The following AGAP9 variants were observed in gnomAD, a reference collection of about 807,000 sequenced individuals.
The protein encoded by AGAP9 is arf-GAP with GTPase, ANK repeat and PH domain-containing protein 9.
AGAP9 carries 23 observed loss-of-function variants against 55.6 expected under a neutral mutation model. The ratio of observed to expected loss-of-function variants is 0.41; its 90% CI spans 0.30 to 0.59. The LOEUF (loss-of-function observed/expected upper bound fraction) is 0.59, where lower values mean the gene tolerates loss of function less well. Ranked by LOEUF, AGAP9 falls within the 20% of genes least tolerant of loss-of-function variation. The pLI is 0.25. For missense variants in AGAP9, 309 were observed against 808.1 expected, an observed-to-expected ratio of 0.38 and a Z score of 7.49; for synonymous variants, 120 against 305.0, an observed-to-expected ratio of 0.39 and a Z score of 6.32.
chr10:47,507,661 G>C lies in AGAP9; in HGVS notation c.498-78C>G. ...GCAGACATTTTTTAAAAGGGGGGCA[G>C]AGGAAACTCTCCTAGCGGCCCTGAA... On this transcript the variant is annotated intron_variant, in intron 5 of 7. Transcript: ENST00000452145. 1.3e-6 allele frequency: 2 copies of C among 1,503,514 alleles called. 1 individual carries two copies. The highest frequency in any genetic ancestry group is 1.8e-6 in the Non-Finnish European group (2 of 1,122,880). The allele number at this position is 1,503,514 out of a possible 1,614,324, so 93.1% of individuals were successfully genotyped here. A position where few individuals can be genotyped will look rare whatever the true frequency, so the allele number is the denominator to read the frequency against.
intron 2 of AGAP9, among the ~76,000 whole-genome samples, chr10:47,522,123 T>C (rs1840859818): frequency 6.8e-6 from 1 of 146,224 alleles, no homozygotes; most frequent in Admixed American, 6.9e-5. Flanking sequence ...CAAGATGCTA[T>C]TGTCAGGAGG....
At chr10:47,513,016 T>G (rs1840657204) in intron 4 of AGAP9, among the ~76,000 whole-genome samples, 1 of 129,204 alleles carries the variant, frequency 7.7e-6, no homozygotes. Context: ...ATGAAACCCA[T>G]TTGATCATGG....
chr10:47,506,770 C>T (rs1220797199), intron 6 of AGAP9, among the ~76,000 whole-genome samples: 4 of 144,728 alleles, frequency 2.8e-5, no homozygotes, highest in East Asian at 2.7e-4. Flanking sequence ...CTCCAGAATA[C>T]GTGGGACTAC....
chr10:47,516,613 A>T (rs1840719549), intron 4 of AGAP9, among the ~76,000 whole-genome samples: 1 of 138,614 alleles, frequency 7.2e-6, no homozygotes, highest in Non-Finnish European at 1.5e-5. Context: ...AAAAGACTTT[A>T]AGGAGTTAGC....
At chr10:47,504,811 A>T (rs1251966157) in intron 6 of AGAP9, among the ~76,000 whole-genome samples, 1 of 127,060 alleles carries the variant, frequency 7.9e-6, no homozygotes, top group African/African-American at 3.0e-5. Context: ...GATCCCGAAG[A>T]CCCCTTCCAG....
At chr10:47,521,841 C>A (rs1284925119) in intron 2 of AGAP9, among the ~76,000 whole-genome samples, 11 of 150,768 alleles carry the variant, frequency 7.3e-5, no homozygotes, top group Non-Finnish European at 1.6e-4. Context: ...AGTGCATTGG[C>A]GTGATCTCTG....
chr10:47,520,859 AAAG>A (rs1462337617), intron 2 of AGAP9, among the ~76,000 whole-genome samples: 23 of 129,374 alleles, frequency 1.8e-4, no homozygotes, highest in African/African-American at 5.4e-4. Flanking sequence ...AAAAAAAAAA[AAAG>A]AAGAAGAGGT....
chr10:47,502,636 A>T lies in AGAP9; in HGVS notation c.1493T>A (p.Met498Lys). The change falls in exon 8 of 8, where the codon ATG becomes AAG. Residue 498 changes from methionine to lysine, a missense_variant. Coordinates refer to ENST00000452145, the MANE Select transcript of AGAP9 (RefSeq NM_001190810.1). ...KWASLNLGVL[M>K]CIECSGIHRS... ...GTGGATACCTGAGCATTCAATACACATGAGGACTCCCAAGTTCAAACTGGC... is the reference window on the plus strand; with the variant it reads ...GTGGATACCTGAGCATTCAATACACTTGAGGACTCCCAAGTTCAAACTGGC... 1 of 1,607,564 alleles carries T rather than the reference A, an allele frequency of 6.2e-7. No individual in the cohort carries two copies. The highest frequency in any genetic ancestry group is 2.3e-5 in the East Asian group (1 of 43,766).
chr10:47,506,918 C>T (rs1487656671), intron 6 of AGAP9, among the ~76,000 whole-genome samples: 16 of 133,834 alleles, frequency 1.2e-4, no homozygotes, highest in Non-Finnish European at 1.6e-4. Context: ...GGATTACAGG[C>T]GTGAGCCACT....
At chr10:47,521,280 G>C (rs1840828141) in intron 2 of AGAP9, among the ~76,000 whole-genome samples, 2 of 136,968 alleles carry the variant, frequency 1.5e-5, no homozygotes, top group South Asian at 4.5e-4. Context: ...ACATCCATCA[G>C]GCTTTCCAAA....
At chr10:47,509,028 G>C (rs1840543068) in intron 5 of AGAP9, among the ~76,000 whole-genome samples, 1 of 134,806 alleles carries the variant, frequency 7.4e-6, no homozygotes, top group Non-Finnish European at 1.5e-5. Flanking sequence ...CACCAATAGT[G>C]AATACACCAA....
Position 47,502,087 on chromosome 10 carries a change from G to C in AGAP9, c.*65C>G, listed in dbSNP as rs2020443. 46 of 1,568,670 alleles carry C rather than the reference G, an allele frequency of 2.9e-5. 2 individuals carry two copies. The highest frequency in any genetic ancestry group is 3.8e-5 in the Non-Finnish European group (44 of 1,152,406). ...AATAAAACAGATACTACACGCACTCGTCGGGGCAGCCGTACTGCAGAAGCA... is the reference window on the plus strand; with the variant it reads ...AATAAAACAGATACTACACGCACTCCTCGGGGCAGCCGTACTGCAGAAGCA... On this transcript the variant is annotated 3_prime_UTR_variant, in exon 8 of 8. Coordinates refer to ENST00000452145, the MANE Select transcript of AGAP9 (RefSeq NM_001190810.1).
intron 4 of AGAP9, among the ~76,000 whole-genome samples, chr10:47,511,078 G>T (rs1183989549): frequency 3.2e-5 from 4 of 124,428 alleles, no homozygotes; most frequent in African/African-American, 1.3e-4. Context: ...TGAGTAGCTG[G>T]GACTACAGGC....
At chr10:47,506,337 TTC>T (rs1840475800) in intron 6 of AGAP9, among the ~76,000 whole-genome samples, 1 of 138,316 alleles carries the variant, frequency 7.2e-6, no homozygotes, top group Admixed American at 7.4e-5. Flanking sequence ...TTGCTTCTTT[TTC>T]TCTTTTTTTG....
intron 6 of AGAP9, among the ~76,000 whole-genome samples, chr10:47,506,557 T>G (rs1424881060): frequency 7.0e-6 from 1 of 142,214 alleles, no homozygotes; most frequent in Non-Finnish European, 1.5e-5. Flanking sequence ...CTCAAACTCC[T>G]GACCTCAAGT....
At chr10:47,511,001 T>A (rs1555225381) in intron 4 of AGAP9, among the ~76,000 whole-genome samples, 10 of 128,734 alleles carry the variant, frequency 7.8e-5, no homozygotes, top group African/African-American at 2.8e-4. Context: ...TGGAGTGCAG[T>A]GGCGCGATCT....
At chr10:47,517,434 G>A (rs1483909608) in intron 4 of AGAP9, among the ~76,000 whole-genome samples, 3,770 of 121,898 alleles carry the variant, frequency 0.031, 2 homozygotes, top group Admixed American at 0.052. Flanking sequence ...CAGCACGCCC[G>A]GCTACTTTTG....
At chr10:47,516,638 A>G (rs1320637540) in intron 4 of AGAP9, among the ~76,000 whole-genome samples, 1 of 138,076 alleles carries the variant, frequency 7.2e-6, no homozygotes, top group Non-Finnish European at 1.5e-5. Flanking sequence ...AAAAGCAGAC[A>G]TTGAGCATAT....
At chr10:47,513,986 T>A (rs1358653063) in intron 4 of AGAP9, among the ~76,000 whole-genome samples, 4 of 138,882 alleles carry the variant, frequency 2.9e-5, no homozygotes, top group Non-Finnish European at 6.2e-5. Context: ...GGCAAAGACT[T>A]CATGACCAAG....
Sources: gnomAD v4.1 joint callset for allele counts (sites outside exome capture counted in the v4.1 genomes callset) on GRCh38, gnomAD v4.1.1 for gene constraint, MANE v1.5 for transcripts, NCBI Gene and HGNC (gene_info 2026-07-23, HGNC 2026-07-21) for gene names.